ARMC9: variants seen among roughly 807,000 people sequenced by gnomAD.
ARMC9 encodes the protein armadillo repeat containing 9.
ARMC9 carries 94 observed loss-of-function variants against 107.0 expected under a neutral mutation model. The ratio of observed to expected loss-of-function variants is 0.88; its 90% CI spans 0.74 to 1.04. The LOEUF is 1.04. Among genes scored for constraint, ARMC9 ranks in the 50% least tolerant of loss-of-function variants. The pLI is 0.00. For synonymous variants in ARMC9, 380 were observed against 396.9 expected, an observed-to-expected ratio of 0.96 and a Z score of 0.51; for missense variants, 942 against 1,030.1, an observed-to-expected ratio of 0.91 and a Z score of 1.17.
chr2:231,318,797 C>T (rs1218170630), intron 19 of ARMC9, among the ~76,000 whole-genome samples: 1 of 152,204 alleles, frequency 6.6e-6, no homozygotes, highest in African/African-American at 2.4e-5. Context: ...AATTGCCTGA[C>T]CTACTCCTGT....
intron 9 of ARMC9, among the ~76,000 whole-genome samples, chr2:231,242,017 C>T (rs1272852462): frequency 1.3e-5 from 2 of 152,092 alleles, no homozygotes; most frequent in African/African-American, 4.8e-5. Context: ...GGAACCATGA[C>T]AATAAAACAA....
chr2:231,323,710 G>C (rs955151722), intron 19 of ARMC9, among the ~76,000 whole-genome samples: 5 of 152,172 alleles, frequency 3.3e-5, no homozygotes, highest in Non-Finnish European at 5.9e-5. Context: ...TTTTAAAGGA[G>C]GCAGCCAAGT....
Position 231,214,838 on chromosome 2 carries a change from T to G in ARMC9, c.185T>G (p.Leu62Arg). 6.2e-7 allele frequency: 1 copy of G among 1,614,068 alleles called. No homozygotes were observed. Among genetic ancestry groups the G allele is most frequent in the Non-Finnish European group, 8.5e-7 (1 of 1,179,964 alleles). Residue 62 changes from leucine to arginine, a missense_variant, in exon 4 of 25, where the codon CTT (leucine) becomes CGT (arginine). Coordinates refer to ENST00000611582, the MANE Select transcript of ARMC9 (RefSeq NM_001352754.2). Reference sequence around the variant, plus strand: ...CTGATGTCTTCTCCACAGAAGGATCTTGTCGCTGCATTTGACAACGGAGAC... The same window carrying G: ...CTGATGTCTTCTCCACAGAAGGATCGTGTCGCTGCATTTGACAACGGAGAC... Reference protein sequence around the residue: ...DSKSLTIQKDLVAAFDNGDQK... With the variant: ...DSKSLTIQKDRVAAFDNGDQK...
Position 231,344,997 on chromosome 2 carries a change from C to A in ARMC9, c.1901C>A (p.Thr634Lys). ...CAGATCATGACCAACACGGGGAAGA[C>A]AAGGCGGAAGGGGCTGGCTAATGTG... ...YLGIMTNTGK[T>K]RRKGLANVQW... Residue 634 changes from threonine to lysine, a missense_variant, in exon 21 of 25, where the codon ACA (threonine) becomes AAA (lysine). Transcript: ENST00000611582. 1.2e-6 allele frequency: 2 copies of A among 1,613,990 alleles called. No individual in the cohort carries two copies. The highest frequency in any genetic ancestry group is 1.7e-6 in the Non-Finnish European group (2 of 1,179,992).
chr2:231,219,693 G>A (rs911102808), intron 5 of ARMC9, among the ~76,000 whole-genome samples: 5 of 151,842 alleles, frequency 3.3e-5, no homozygotes, highest in African/African-American at 1.2e-4. Context: ...TTCTCAATTA[G>A]TATCTCTTTG....
chr2:231,336,948 G>A (rs2044132082), intron 20 of ARMC9, among the ~76,000 whole-genome samples: 1 of 152,156 alleles, frequency 6.6e-6, no homozygotes, highest in African/African-American at 2.4e-5. Context: ...CGAGCCCCTG[G>A]AGACAGGAGA....
chr2:231,231,492 T>C (rs556148100), intron 7 of ARMC9, among the ~76,000 whole-genome samples: 2 of 152,264 alleles, frequency 1.3e-5, no homozygotes, highest in African/African-American at 4.8e-5. Flanking sequence ...CATGCGATTC[T>C]AGTGCCTCGG....
intron 19 of ARMC9, among the ~76,000 whole-genome samples, chr2:231,310,020 G>A (rs552062853): frequency 6.6e-6 from 1 of 152,192 alleles, no homozygotes; most frequent in Non-Finnish European, 1.5e-5. Context: ...TTAATCGTGA[G>A]CAAGTAAGCA....
chr2:231,326,840 T>C (rs77969319), intron 19 of ARMC9, among the ~76,000 whole-genome samples: 1,939 of 152,334 alleles, frequency 0.013, 45 homozygotes, highest in African/African-American at 0.044. Flanking sequence ...TTTTGCAGAA[T>C]AGAGCTTTCT....
rs542586780 is a variant in ARMC9, at chr2:231,324,317, G to A, written c.1774-7476G>A. On this transcript the variant is annotated intron_variant, in intron 19 of 24. Coordinates refer to ENST00000611582, the MANE Select transcript of ARMC9 (RefSeq NM_001352754.2). ...TAATTTTTGTATTTTTAGTAAAGAC[G>A]GGGTTTCACCATATTGGCCAGGCTG... Among the ~76,000 whole-genome samples the A allele has an allele frequency of 1.8e-3, 271 of 151,176 alleles. 1 individual carries two copies. Among genetic ancestry groups the A allele is most frequent in the Non-Finnish European group, 3.5e-3 (234 of 67,778 alleles).
chr2:231,332,971 C>CT (rs1280702897), intron 20 of ARMC9, among the ~76,000 whole-genome samples: 1 of 152,188 alleles, frequency 6.6e-6, no homozygotes, highest in Non-Finnish European at 1.5e-5. Context: ...CAGCCAGAGC[C>CT]TTGGGAAGGA....
At chr2:231,285,743 G>A (rs943283135) in intron 17 of ARMC9, among the ~76,000 whole-genome samples, 5 of 152,106 alleles carry the variant, frequency 3.3e-5, no homozygotes, top group Non-Finnish European at 7.4e-5. Flanking sequence ...GCCTGAGAAC[G>A]CATCAGCTAG....
Position 231,255,180 on chromosome 2 carries a change from AACACACACAC to A in ARMC9, c.880-1374_880-1365del, listed in dbSNP as rs3042595. On this transcript the variant is annotated intron_variant, in intron 9 of 24. Transcript: ENST00000611582. This position sits in a 1 kb window ranked among gnomAD's most constrained non-coding sequence, Gnocchi z 4.7. ...AGCACTACCTGTAGTGGCAAAAAGA[AACACACACAC>A]ACACACACACACACACACACACACA... Among the ~76,000 whole-genome samples the A allele has an allele frequency of 0.012, 1,749 of 146,704 alleles. 31 individuals carry two copies. The highest frequency in any genetic ancestry group is 0.04 in the African/African-American group (1,591 of 40,082).
At position 231,270,724 on chromosome 2, in the gene ARMC9, C is replaced by G. The variant is rs977713644; in HGVS notation, c.1120-258C>G. 3 of 614,170 alleles carry G rather than the reference C, an allele frequency of 4.9e-6. No individual in the cohort carries two copies. In the African/African-American group the frequency reaches 5.5e-5, roughly 11 times the overall value. 38.0% of individuals were successfully genotyped at this position (614,170 alleles called of 1,614,324 possible). A position where few individuals can be genotyped will look rare whatever the true frequency, so the allele number is the denominator to read the frequency against. On this transcript the variant is annotated intron_variant, in intron 12 of 24. Transcript: ENST00000611582. ...CGGTAACAGCAAACAGGACTGCTTC[C>G]CTCGCGCCAGTCACTGTTCTGAGGG...
chr2:231,291,071 T>C (rs1025109899), intron 17 of ARMC9, among the ~76,000 whole-genome samples: 16 of 152,200 alleles, frequency 1.1e-4, no homozygotes, highest in Admixed American at 3.3e-4. Flanking sequence ...CCAAGGATTT[T>C]TCCTTCTGCC....
At chr2:231,262,236 C>T in intron 11 of ARMC9, 70 bp from the exon 12 acceptor site, 2 of 1,424,336 alleles carry the variant, frequency 1.4e-6, no homozygotes, top group East Asian at 4.5e-5. Flanking sequence ...ATCTAAAACA[C>T]ACCTGCTATG....
At chr2:231,287,527 T>A (rs538361047) in intron 17 of ARMC9, among the ~76,000 whole-genome samples, 1 of 152,268 alleles carries the variant, frequency 6.6e-6, no homozygotes, top group South Asian at 2.1e-4. Flanking sequence ...TCACTAGGTA[T>A]GGGCTTTGCT....
At chr2:231,248,471 A>G (rs1198472684) in intron 9 of ARMC9, among the ~76,000 whole-genome samples, 1 of 152,062 alleles carries the variant, frequency 6.6e-6, no homozygotes. Flanking sequence ...CCTTAGGGTG[A>G]AGTGGTTTTC....
At chr2:231,293,714 C>T (rs1304309680) in intron 18 of ARMC9, 1 of 152,180 alleles carries the variant, frequency 6.6e-6, no homozygotes, top group Non-Finnish European at 1.5e-5. Context: ...CAGTAAGTTA[C>T]TGTTTAAATA....
Sources: gnomAD v4.1 joint callset for allele counts (sites outside exome capture counted in the v4.1 genomes callset) on GRCh38, gnomAD v4.1.1 for gene constraint, Gnocchi (gnomAD v3.1) non-coding constraint, MANE v1.5 for transcripts, NCBI Gene and HGNC (gene_info 2026-07-23, HGNC 2026-07-21) for gene names.